The following SVIL variants were observed in gnomAD, a reference collection of about 807,000 sequenced individuals.
SVIL encodes the protein supervillin.
SVIL carries 101 observed loss-of-function variants against 240.4 expected under a neutral mutation model. The observed-to-expected ratio is 0.42, with a 90% confidence interval of 0.36 to 0.50. The LOEUF is 0.50. Among genes scored for constraint, SVIL ranks in the 20% least tolerant of loss-of-function variants. The pLI, the probability that SVIL is intolerant of heterozygous loss-of-function variation, is 0.01. For synonymous variants in SVIL, 999 were observed against 1,100.0 expected (o/e 0.91, Z 1.82); for missense variants, 2,512 against 2,818.7 (o/e 0.89, Z 2.46).
At chr10:29,473,144 G>C (rs1945781736) in intron 30 of SVIL, among the ~76,000 whole-genome samples, 1 of 152,020 alleles carries the variant, frequency 6.6e-6, no homozygotes, top group Non-Finnish European at 1.5e-5. Flanking sequence ...AGCAGGGGGA[G>C]CTTGGAGAGG....
chr10:29,720,936 TC>T (rs1411370727), intron 1 of SVIL, among the ~76,000 whole-genome samples: 4 of 152,174 alleles, frequency 2.6e-5, no homozygotes, highest in Admixed American at 6.5e-5. Flanking sequence ...AACCTCTGCC[TC>T]CTGGATTCAG....
chr10:29,706,671 G>A (rs949729800), intron 1 of SVIL, among the ~76,000 whole-genome samples: 1 of 151,838 alleles, frequency 6.6e-6, no homozygotes, highest in Non-Finnish European at 1.5e-5. Context: ...ATTGGTTTCT[G>A]TTGCAATTGC....
At chr10:29,727,104 C>A (rs1299845248) in intron 1 of SVIL, among the ~76,000 whole-genome samples, 3 of 152,198 alleles carry the variant, frequency 2.0e-5, no homozygotes, top group Non-Finnish European at 4.4e-5. Context: ...AGTTTGATTA[C>A]TTTTACTTCT....
chr10:29,519,368 G>A (rs1018805696), intron 16 of SVIL, among the ~76,000 whole-genome samples: 4 of 152,122 alleles, frequency 2.6e-5, no homozygotes, highest in African/African-American at 9.7e-5. Flanking sequence ...TACCGGAGCC[G>A]AATCCCTCCT....
At chr10:29,494,197 A>G (rs1948223355) in intron 20 of SVIL, among the ~76,000 whole-genome samples, 1 of 152,142 alleles carries the variant, frequency 6.6e-6, no homozygotes, top group Non-Finnish European at 1.5e-5. Context: ...AAAAAAAGCA[A>G]GTGGGCAGCT....
At chr10:29,488,197 G>A (rs1947604467) in intron 23 of SVIL, among the ~76,000 whole-genome samples, 1 of 150,748 alleles carries the variant, frequency 6.6e-6, no homozygotes, top group African/African-American at 2.4e-5. Flanking sequence ...ACTGACTCGG[G>A]GAGAACTGGG....
intron 6 of SVIL, among the ~76,000 whole-genome samples, chr10:29,545,762 G>A (rs11598933): frequency 0.42 from 62,805 of 149,884 alleles, 13,155 homozygotes; most frequent in East Asian, 0.44. Flanking sequence ...GGCTGAGGCA[G>A]GAGAATCGCT....
At chr10:29,476,461 G>A (rs1265533285) in intron 29 of SVIL, among the ~76,000 whole-genome samples, 2 of 152,134 alleles carry the variant, frequency 1.3e-5, no homozygotes, top group Non-Finnish European at 2.9e-5. Context: ...TGCCCAGGTT[G>A]GAGTGCAGTG....
At chr10:29,520,793 G>T (rs934250363) in intron 16 of SVIL, among the ~76,000 whole-genome samples, 2 of 152,006 alleles carry the variant, frequency 1.3e-5, no homozygotes, top group African/African-American at 4.8e-5. Context: ...GTACGTGTCT[G>T]CAGTCCCAGC....
At chr10:29,624,611 A>G (rs529670833) in intron 1 of SVIL, among the ~76,000 whole-genome samples, 9 of 152,344 alleles carry the variant, frequency 5.9e-5, no homozygotes, top group African/African-American at 2.2e-4. Context: ...CCCAGCAATA[A>G]CAATTTGACT....
At chr10:29,587,418 A>T (rs1956214892) in intron 1 of SVIL, among the ~76,000 whole-genome samples, 1 of 152,236 alleles carries the variant, frequency 6.6e-6, no homozygotes, top group African/African-American at 2.4e-5. Flanking sequence ...ACAGGTCACC[A>T]CTGCACAATG....
upstream of SVIL, among the ~76,000 whole-genome samples, chr10:29,638,084 T>A (rs1349293335): frequency 6.6e-6 from 1 of 152,226 alleles, no homozygotes; most frequent in African/African-American, 2.4e-5. Context: ...CAAGATGTTA[T>A]CACTGGAGAA....
chr10:29,505,821 T>G (rs1194425731), intron 17 of SVIL, among the ~76,000 whole-genome samples: 1 of 152,058 alleles, frequency 6.6e-6, no homozygotes, highest in Non-Finnish European at 1.5e-5. Flanking sequence ...AACCTACAAC[T>G]GCTCCAAAAA....
chr10:29,604,515 G>A (rs1444156955), intron 1 of SVIL, among the ~76,000 whole-genome samples: 7 of 151,188 alleles, frequency 4.6e-5, no homozygotes, highest in Admixed American at 2.0e-4. Flanking sequence ...GAGCCATTGC[G>A]CCTGGCCATA....
intron 1 of SVIL, among the ~76,000 whole-genome samples, chr10:29,604,744 A>T (rs1027070481): frequency 1.3e-5 from 2 of 151,544 alleles, no homozygotes; most frequent in Non-Finnish European, 2.9e-5. Flanking sequence ...TTTTAAAAAA[A>T]TTTTTGTAAA....
At position 29,484,467 on chromosome 10, in the gene SVIL, A is replaced by G. The variant is rs888709998; in HGVS notation, c.4955+189T>C. Among the ~76,000 whole-genome samples the G allele has an allele frequency of 2.6e-5, 4 of 152,230 alleles. No individual in the cohort carries two copies. Among genetic ancestry groups the G allele is most frequent in the Admixed American group, 2.6e-4 (4 of 15,288 alleles). ...CCTCTTCCAGAAGACTACGACATCC[A>G]TATTTCTGCAATAGTTAGATAAAAG... On this transcript the variant is annotated intron_variant, in intron 27 of 37. Coordinates refer to ENST00000355867, the MANE Select transcript of SVIL (RefSeq NM_021738.3). This position sits in a 1 kb window ranked among gnomAD's most constrained non-coding sequence, Gnocchi z 4.7.
intron 17 of SVIL, 126 bp from the exon 18 acceptor site, chr10:29,499,389 T>G: frequency 8.3e-7 from 1 of 1,201,248 alleles, no homozygotes; most frequent in South Asian, 1.5e-5. Context: ...TGTCCAAAGA[T>G]GTTCAAAAAT....
In SVIL at chr10:29,523,751, C is replaced by A. The variant is rs1193239582; in HGVS notation, c.2863G>T (p.Ala955Ser). The change falls in exon 15 of 38, where the codon GCT becomes TCT. Residue 955 changes from alanine to serine, a missense_variant. Physicochemically the swap from Ala to Ser is moderately conservative, Grantham distance 99. Transcript: ENST00000355867. ...REYGETESKR[A>S]LTGRDSGMEK... ...ATCCCACTGTCTCGACCTGTCAAAG[C>A]TCTCTTGCTTTCTGTCTCTCCATAT... 1.9e-6 allele frequency: 3 copies of A among 1,614,128 alleles called. No homozygotes were observed. Among genetic ancestry groups the A allele is most frequent in the East Asian group, 4.5e-5 (2 of 44,898 alleles).
chr10:29,584,738 G>A (rs1956093433), intron 1 of SVIL, among the ~76,000 whole-genome samples: 1 of 152,294 alleles, frequency 6.6e-6, no homozygotes, highest in South Asian at 2.1e-4. Context: ...CGTGCTGTGG[G>A]CCCAGCCAGG....
Sources: gnomAD v4.1 joint callset for allele counts (sites outside exome capture counted in the v4.1 genomes callset) on GRCh38, gnomAD v4.1.1 for gene constraint, Gnocchi (gnomAD v3.1) non-coding constraint, MANE v1.5 for transcripts, NCBI Gene and HGNC (gene_info 2026-07-23, HGNC 2026-07-21) for gene names.